LPAR5: variants seen among roughly 807,000 people sequenced by gnomAD.
LPAR5 encodes the protein lysophosphatidic acid receptor 5, also known as G protein-coupled receptor 92.
For synonymous variants in LPAR5, 271 were observed against 261.6 expected, an observed-to-expected ratio of 1.04 and a Z score of -0.35; for missense variants, 544 against 521.8, an observed-to-expected ratio of 1.04 and a Z score of -0.41.
rs1252746186 is a variant in LPAR5 at position 6,621,334 on chromosome 12, G to T, written c.-86C>A. On this transcript the variant is annotated 5_prime_UTR_variant, in exon 2 of 2. Transcript: ENST00000329858. ...CATGGCATTCACCTCCGGGGCTGGG[G>T]CCTAGAGGCTGTACAGACATGGTCC... is the stretch of plus-strand genomic sequence containing the variant. 6 of 1,327,426 alleles carry T rather than the reference G, an allele frequency of 4.5e-6. No individual in the cohort carries two copies. Among genetic ancestry groups the T allele is most frequent in the Middle Eastern group, 2.6e-4 (1 of 3,800 alleles). The allele number at this position is 1,327,426 out of a possible 1,614,324, so 82.2% of individuals were successfully genotyped here.
chr12:6,622,510 A>T (rs956338349), intron 1 of LPAR5, among the ~76,000 whole-genome samples: 4 of 151,672 alleles, frequency 2.6e-5, no homozygotes, highest in African/African-American at 9.7e-5. Flanking sequence ...GCACTTTGGG[A>T]GGCTGAGGTG....
At position 6,620,716 on chromosome 12, in the gene LPAR5, C is replaced by T; in HGVS notation, c.533G>A (p.Ser178Asn). Residue 178 changes from serine to asparagine, a missense_variant, in exon 2 of 2, where the codon AGC becomes AAC. Ser to Asn is a conservative substitution (Grantham distance 46). Transcript: ENST00000329858. This position sits in a 1 kb window ranked among gnomAD's most constrained non-coding sequence, Gnocchi z 6.8. Reference protein sequence around the residue: ...RDLEVRLCFESFSDELWKGRL... With the variant: ...RDLEVRLCFENFSDELWKGRL... ...GCCTTTCCACAGCTCGTCGCTGAAG[C>T]TCTCGAAGCATAGGCGCACCTCGAG... The T allele has an allele frequency of 6.3e-7, 1 of 1,584,292 alleles. No homozygotes were observed. The highest frequency in any genetic ancestry group is 8.6e-7 in the Non-Finnish European group (1 of 1,165,140).
At chr12:6,632,800 A>G (rs116486343) in intron 1 of LPAR5, among the ~76,000 whole-genome samples, 180 of 152,286 alleles carry the variant, frequency 1.2e-3, no homozygotes, top group African/African-American at 4.1e-3. Flanking sequence ...AGGTTTGGAG[A>G]CAGTACAAAG....
At position 6,621,361 on chromosome 12, in the gene LPAR5, A is replaced by C; in HGVS notation, c.-113T>G. ...CTAGAGGCTGTACAGACATGGTCCC[A>C]AAACAAGCAGAGGGAGGTCATGGGA... On this transcript the variant is annotated 5_prime_UTR_variant, in exon 2 of 2. Coordinates refer to ENST00000329858, the MANE Select transcript of LPAR5 (RefSeq NM_020400.6). 2 of 1,085,668 alleles carry C rather than the reference A, an allele frequency of 1.8e-6. No individual in the cohort carries two copies. Among genetic ancestry groups the C allele is most frequent in the Non-Finnish European group, 2.5e-6 (2 of 815,918 alleles). 67.3% of individuals were successfully genotyped at this position (1,085,668 alleles called of 1,614,324 possible).
Position 6,620,092 on chromosome 12 carries a change from T to C in LPAR5, c.*38A>G, listed in dbSNP as rs1259132912. On this transcript the variant is annotated 3_prime_UTR_variant, in exon 2 of 2. Coordinates refer to ENST00000329858, the MANE Select transcript of LPAR5 (RefSeq NM_020400.6). This position sits in a 1 kb window ranked among gnomAD's most constrained non-coding sequence, Gnocchi z 6.8. Reference sequence around the variant, plus strand: ...TGTAAGCCTCCCAGAACGAGAGGCGTTGGGAGTCGGGCACGGACAGCGCAA... The same window carrying C: ...TGTAAGCCTCCCAGAACGAGAGGCGCTGGGAGTCGGGCACGGACAGCGCAA... 1 of 1,612,118 alleles carries C rather than the reference T, an allele frequency of 6.2e-7. No individual in the cohort carries two copies. Among genetic ancestry groups the C allele is most frequent in the South Asian group, 1.1e-5 (1 of 90,844 alleles).
Position 6,620,475 on chromosome 12 carries a change from C to T in LPAR5, c.774G>A (p.Gly258=), listed in dbSNP as rs1382025312. ...CCGCCACCAGCTTGCTCCGCAGCAG[C>T]CCGTAGACCGCCAGCGTGCTGTTGT... ...VPYNSTLAVY[G]LLRSKLVAAS... The change falls in exon 2 of 2, where the codon GGG becomes GGA. Residue 258 remains glycine (G), a synonymous_variant. Coordinates refer to ENST00000329858, the MANE Select transcript of LPAR5 (RefSeq NM_020400.6). This position sits in a 1 kb window ranked among gnomAD's most constrained non-coding sequence, Gnocchi z 6.8. The T allele has an allele frequency of 5.7e-6, 9 of 1,588,944 alleles. No individual in the cohort carries two copies. The highest frequency in any genetic ancestry group is 6.9e-6 in the Non-Finnish European group (8 of 1,167,660).
Position 6,619,840 on chromosome 12 carries a change from C to T in LPAR5, c.*290G>A, listed in dbSNP as rs530220480. 15 of 590,426 alleles carry T rather than the reference C, an allele frequency of 2.5e-5. No homozygotes were observed. In the Middle Eastern group the frequency reaches 8.5e-4, roughly 33 times the overall value. 36.6% of individuals were successfully genotyped at this position (590,426 alleles called of 1,614,324 possible). ...TTTAGCAGTTTAATGCCCTGCCCAC[C>T]CAAAGGCATTTCGTCCTCTTCTGCC... is the stretch of plus-strand genomic sequence containing the variant. On this transcript the variant is annotated 3_prime_UTR_variant, in exon 2 of 2. Coordinates refer to ENST00000329858, the MANE Select transcript of LPAR5 (RefSeq NM_020400.6).
At position 6,619,942 on chromosome 12, in the gene LPAR5, G is replaced by A. The variant is rs1434733537; in HGVS notation, c.*188C>T. On this transcript the variant is annotated 3_prime_UTR_variant, in exon 2 of 2. Transcript: ENST00000329858. ...CTCTGCGTGCTCACAGTTTAAAGAA[G>A]CCATTTCCAGCAGCACTGCCTTCCC... 1.2e-6 allele frequency: 1 copy of A among 821,498 alleles called. No individual in the cohort carries two copies. Among genetic ancestry groups the A allele is most frequent in the Admixed American group, 2.0e-5 (1 of 50,076 alleles). 50.9% of individuals were successfully genotyped at this position (821,498 alleles called of 1,614,324 possible).
chr12:6,620,387 C>T lies in LPAR5; in HGVS notation c.862G>A (p.Ala288Thr), dbSNP rs868146239. The part of the protein sequence containing the change: ...VLMVMVLLAG[A>T]NCVLDPLVYY... Reference sequence around the variant, plus strand: ...ACCAGCGGGTCCAGCACGCAGTTGGCGCCGGCCAGCAGCACCATCACCATC... The same window carrying T: ...ACCAGCGGGTCCAGCACGCAGTTGGTGCCGGCCAGCAGCACCATCACCATC... Residue 288 changes from alanine to threonine, a missense_variant, in exon 2 of 2, where the codon GCC becomes ACC. Ala to Thr is a moderately conservative substitution (Grantham distance 58). Coordinates refer to ENST00000329858, the MANE Select transcript of LPAR5 (RefSeq NM_020400.6). The surrounding 1 kb of genome is among the most constrained non-coding windows in gnomAD (Gnocchi z 6.8). The T allele has an allele frequency of 6.2e-7, 1 of 1,611,276 alleles. No individual in the cohort carries two copies. Among genetic ancestry groups the T allele is most frequent in the Non-Finnish European group, 8.5e-7 (1 of 1,179,200 alleles).
intron 1 of LPAR5, among the ~76,000 whole-genome samples, 181 bp downstream of exon 1, chr12:6,635,726 A>T (rs191175820): frequency 3.3e-5 from 5 of 152,266 alleles, no homozygotes; most frequent in Admixed American, 3.3e-4. Context: ...CTGTTTGTCC[A>T]GCGCCATCTG....
intron 1 of LPAR5, among the ~76,000 whole-genome samples, chr12:6,627,546 G>A (rs1311697230): frequency 3.3e-5 from 5 of 152,040 alleles, no homozygotes; most frequent in Non-Finnish European, 7.4e-5. Flanking sequence ...AGCAGAGATC[G>A]TGCCACTGCA....
At chr12:6,624,243 C>A (rs1035063436) in intron 1 of LPAR5, among the ~76,000 whole-genome samples, 1 of 152,022 alleles carries the variant, frequency 6.6e-6, no homozygotes, top group Non-Finnish European at 1.5e-5. Flanking sequence ...TGAGTTTTGC[C>A]AAGTGCTCCC....
chr12:6,621,680 T>C (rs1948896968), intron 1 of LPAR5, among the ~76,000 whole-genome samples: 2 of 152,238 alleles, frequency 1.3e-5, no homozygotes, highest in South Asian at 4.1e-4. Context: ...TTTTGCTAAC[T>C]TGCCTAGTTG....
In LPAR5 at chr12:6,620,622, G is replaced by A. The variant is rs1247307025; in HGVS notation, c.627C>T (p.Tyr209=). Reference sequence around the variant, plus strand: ...GCGTCCAGAAGACTCGGCCCGACGAGTAGACCACCGCCGCCAGGGGCAGCA... The same window carrying A: ...GCGTCCAGAAGACTCGGCCCGACGAATAGACCACCGCCGCCAGGGGCAGCA... The part of the protein sequence containing the change: ...GFLLPLAAVV[Y]SSGRVFWTLA... Residue 209 remains tyrosine (Y), a synonymous_variant, in exon 2 of 2, where the codon TAC becomes TAT. Transcript: ENST00000329858. This position sits in a 1 kb window ranked among gnomAD's most constrained non-coding sequence, Gnocchi z 6.8. 1 of 1,552,190 alleles carries A rather than the reference G, an allele frequency of 6.4e-7. No individual in the cohort carries two copies. Among genetic ancestry groups the A allele is most frequent in the Non-Finnish European group, 8.7e-7 (1 of 1,148,646 alleles).
intron 1 of LPAR5, among the ~76,000 whole-genome samples, chr12:6,633,824 A>G (rs1386226444): frequency 6.6e-6 from 1 of 152,152 alleles, no homozygotes; most frequent in African/African-American, 2.4e-5. Flanking sequence ...GGCATCAGAC[A>G]GATGGAGTTG....
At chr12:6,627,329 C>T (rs1281150405) in intron 1 of LPAR5, among the ~76,000 whole-genome samples, 10 of 152,218 alleles carry the variant, frequency 6.6e-5, no homozygotes. Context: ...TGGTGGCTCA[C>T]GCCTGTAATC....
intron 1 of LPAR5, among the ~76,000 whole-genome samples, chr12:6,627,621 C>A (rs1948950804): frequency 6.6e-6 from 1 of 152,042 alleles, no homozygotes; most frequent in Non-Finnish European, 1.5e-5. Context: ...CTTAAAATTC[C>A]CCCTTAAGTG....
In LPAR5 at chr12:6,620,965, T is replaced by G; in HGVS notation, c.284A>C (p.Gln95Pro). Reference protein sequence around the residue: ...HHWPFPDLLCQTTGAIFQMNM... With the variant: ...HHWPFPDLLCPTTGAIFQMNM... Reference sequence around the variant, plus strand: ...CATCTGGAAGATGGCGCCCGTCGTCTGGCACAGGAGGTCGGGGAAGGGCCA... The same window carrying G: ...CATCTGGAAGATGGCGCCCGTCGTCGGGCACAGGAGGTCGGGGAAGGGCCA... Residue 95 changes from glutamine to proline, a missense_variant, in exon 2 of 2, where the codon CAG (glutamine) becomes CCG (proline). Transcript: ENST00000329858. This position sits in a 1 kb window ranked among gnomAD's most constrained non-coding sequence, Gnocchi z 6.8. 5.6e-6 allele frequency: 9 copies of G among 1,613,270 alleles called. No homozygotes were observed. The highest frequency in any genetic ancestry group is 7.6e-6 in the Non-Finnish European group (9 of 1,179,656).
chr12:6,627,842 A>G lies in LPAR5; in HGVS notation c.-216-6378T>C, dbSNP rs1052125603. Among the ~76,000 whole-genome samples the G allele has an allele frequency of 7.7e-5, 11 of 142,840 alleles. 1 individual carries two copies. The highest frequency in any genetic ancestry group is 1.8e-4 in the African/African-American group (7 of 38,808). 93.7% of individuals were successfully genotyped at this position (142,840 alleles called of 152,430 possible). ...ACCTCCTACACCCATCCCGCCCCCA[A>G]CTACCCCCGCCCACGCTCTAATCCT... On this transcript the variant is annotated intron_variant, in intron 1 of 1. Transcript: ENST00000329858.
Sources: gnomAD v4.1 joint callset for allele counts (sites outside exome capture counted in the v4.1 genomes callset) on GRCh38, gnomAD v4.1.1 for gene constraint, Gnocchi (gnomAD v3.1) non-coding constraint, MANE v1.5 for transcripts, NCBI Gene and HGNC (gene_info 2026-07-23, HGNC 2026-07-21) for gene names.